The following ABRAXAS2 variants were observed in gnomAD, a reference collection of about 807,000 sequenced individuals.
ABRAXAS2 encodes abraxas 2, BRISC complex subunit, also known as BRISC complex subunit Abraxas 2.
ABRAXAS2 carries 23 observed loss-of-function variants against 49.0 expected under a neutral mutation model. The observed-to-expected ratio is 0.47, with a 90% CI of 0.34 to 0.66. The LOEUF (loss-of-function observed/expected upper bound fraction) is 0.66, where lower values mean the gene tolerates loss of function less well. ABRAXAS2 is among the 30% of genes least tolerant of loss of function. The pLI is 0.01. For missense variants in ABRAXAS2, 443 were observed against 511.9 expected (o/e 0.87, Z 1.30); for synonymous variants, 168 against 180.2 (o/e 0.93, Z 0.54).
rs190770677 is a variant in ABRAXAS2, at chr10:124,810,320, G to A, written c.163+3399G>A. 8.1e-4 allele frequency among the ~76,000 whole-genome samples: 123 copies of A among 152,266 alleles called. 4 individuals are homozygous for A. The East Asian group carries it at 0.024, about 29-fold the overall frequency. ...GCAGGAGGATGGCTTGAGGCCGGGA[G>A]TTCAAGACCAGCCTGGGCAAGGTGG... On this transcript the variant is annotated intron_variant, in intron 2 of 8. Transcript: ENST00000298492.
intron 7 of ABRAXAS2, 114 bp downstream of exon 7, chr10:124,829,591 A>C (rs1950917918): frequency 1.5e-6 from 1 of 678,926 alleles, no homozygotes; most frequent in Non-Finnish European, 2.5e-6. Flanking sequence ...TCCGAAAGTC[A>C]GAATCTGCTT....
intron 8 of ABRAXAS2, among the ~76,000 whole-genome samples, chr10:124,831,840 G>GTATTTTTT (rs1564925948): frequency 3.8e-5 from 4 of 106,208 alleles, no homozygotes; most frequent in African/African-American, 7.0e-5. Context: ...ACTGTGTCCT[G>GTATTTTTT]TCTTTTTTTT....
chr10:124,816,686 T>G, intron 3 of ABRAXAS2, 74 bp downstream of exon 3: 1 of 1,061,548 alleles, frequency 9.4e-7, no homozygotes, highest in Non-Finnish European at 1.4e-6. Flanking sequence ...TTTTGGCCTG[T>G]AGCTGATTGT....
At chr10:124,829,253 G>A in intron 6 of ABRAXAS2, 140 bp from the exon 7 acceptor site, 1 of 637,606 alleles carries the variant, frequency 1.6e-6, no homozygotes, top group Non-Finnish European at 2.8e-6. Context: ...AATTCTTGTG[G>A]TATGGGCATT....
At chr10:124,808,796 A>T (rs1309953016) in intron 2 of ABRAXAS2, among the ~76,000 whole-genome samples, 2 of 152,186 alleles carry the variant, frequency 1.3e-5, no homozygotes, top group African/African-American at 4.8e-5. Flanking sequence ...TCATATGACT[A>T]AAATACAGAA....
intron 4 of ABRAXAS2, among the ~76,000 whole-genome samples, chr10:124,821,284 C>A (rs1181168094): frequency 6.7e-6 from 1 of 148,392 alleles, no homozygotes; most frequent in Non-Finnish European, 1.5e-5. Flanking sequence ...AAGAAGAAAT[C>A]GGCTGGGTGC....
At chr10:124,814,458 T>A (rs1950810850) in intron 2 of ABRAXAS2, among the ~76,000 whole-genome samples, 1 of 151,910 alleles carries the variant, frequency 6.6e-6, no homozygotes, top group African/African-American at 2.4e-5. Context: ...CAAGTGATTC[T>A]CCCACACCTC....
chr10:124,806,680 CTGTT>C (rs149574744), intron 1 of ABRAXAS2, 147 bp from the exon 2 acceptor site: 11,674 of 539,386 alleles, frequency 0.022, 979 homozygotes, highest in African/African-American at 0.19. Flanking sequence ...TTGCTTTAGA[CTGTT>C]TGTTGGTTTA....
intron 7 of ABRAXAS2, among the ~76,000 whole-genome samples, chr10:124,830,432 T>A (rs1950924762): frequency 6.6e-6 from 1 of 151,896 alleles, no homozygotes; most frequent in Non-Finnish European, 1.5e-5. Flanking sequence ...GGTGACAGAG[T>A]GAGACCTCAT....
chr10:124,809,902 G>A (rs1472032564), intron 2 of ABRAXAS2, among the ~76,000 whole-genome samples: 2 of 151,154 alleles, frequency 1.3e-5, no homozygotes, highest in South Asian at 2.1e-4. Context: ...ACAGGCATGC[G>A]CCACCATGCC....
chr10:124,810,802 C>T (rs893261237), intron 2 of ABRAXAS2, among the ~76,000 whole-genome samples: 7 of 151,084 alleles, frequency 4.6e-5, no homozygotes, highest in South Asian at 2.1e-4. Flanking sequence ...AGGATGGTCT[C>T]GATCTCTTGA....
At chr10:124,833,104 C>T (rs1950944515) in intron 8 of ABRAXAS2, among the ~76,000 whole-genome samples, 1 of 147,868 alleles carries the variant, frequency 6.8e-6, no homozygotes, top group African/African-American at 2.5e-5. Context: ...TGAGATCACA[C>T]CACTGCACTC....
intron 4 of ABRAXAS2, among the ~76,000 whole-genome samples, chr10:124,821,576 AAAAG>A (rs1050545344): frequency 3.9e-5 from 6 of 152,148 alleles, no homozygotes; most frequent in Non-Finnish European, 8.8e-5. Context: ...TTGGAAAAAA[AAAAG>A]AAAGAAGAAA....
At chr10:124,827,925 G>T (rs1950907063) in intron 5 of ABRAXAS2, among the ~76,000 whole-genome samples, 1 of 152,184 alleles carries the variant, frequency 6.6e-6, no homozygotes, top group Non-Finnish European at 1.5e-5. Flanking sequence ...TAATCTGTGG[G>T]TATCTCTTGA....
At chr10:124,819,278 G>A (rs1950845626) in intron 3 of ABRAXAS2, 106 bp from the exon 4 acceptor site, 1 of 834,584 alleles carries the variant, frequency 1.2e-6, no homozygotes, top group Non-Finnish European at 2.0e-6. Flanking sequence ...CCTGTGTAAG[G>A]TGAGAAGTTA....
chr10:124,834,419 C>A, intron 8 of ABRAXAS2, 83 bp from the exon 9 acceptor site: 1 of 1,179,820 alleles, frequency 8.5e-7, no homozygotes, highest in Non-Finnish European at 1.2e-6. Context: ...TTTTCCAGAA[C>A]ATTCAGGTTG....
At chr10:124,816,308 G>A (rs1412033661) in intron 2 of ABRAXAS2, among the ~76,000 whole-genome samples, 1 of 152,162 alleles carries the variant, frequency 6.6e-6, no homozygotes, top group East Asian at 1.9e-4. Flanking sequence ...CACAATAGCT[G>A]CGTATTCCTA....
chr10:124,834,442 A>C lies in ABRAXAS2; in HGVS notation c.779-60A>C, dbSNP rs1159667585. The C allele has an allele frequency of 3.4e-6, 5 of 1,455,708 alleles. No individual in the cohort carries two copies. The East Asian group carries it at 1.2e-4, about 34-fold the overall frequency. 90.2% of individuals were successfully genotyped at this position (1,455,708 alleles called of 1,614,324 possible). ...AACATTCAGGTTGGCCGTGTTATACATTGAGATGAAAAGCTGTGAGAATCT... is the reference window on the plus strand; with the variant it reads ...AACATTCAGGTTGGCCGTGTTATACCTTGAGATGAAAAGCTGTGAGAATCT... On this transcript the variant is annotated intron_variant, in intron 8 of 8. Transcript: ENST00000298492.
intron 4 of ABRAXAS2, among the ~76,000 whole-genome samples, 161 bp downstream of exon 4, chr10:124,819,611 TTA>T (rs1367166642): frequency 1.3e-5 from 2 of 151,954 alleles, no homozygotes; most frequent in African/African-American, 2.4e-5. Context: ...AGAAAAAAAT[TTA>T]GATATTTATA....
Sources: allele counts gnomAD v4.1 joint callset (sites outside exome capture counted in the v4.1 genomes callset), GRCh38; gene constraint gnomAD v4.1.1; transcripts MANE v1.5; gene names NCBI Gene and HGNC (gene_info 2026-07-23, HGNC 2026-07-21).